TMTC1: variants seen among roughly 807,000 people sequenced by gnomAD.
TMTC1 encodes transmembrane O-mannosyltransferase targeting cadherins 1.
TMTC1 carries 73 observed loss-of-function variants against 104.8 expected under a neutral mutation model. The observed-to-expected ratio is 0.70, with a 90% CI of 0.58 to 0.85. The LOEUF (loss-of-function observed/expected upper bound fraction) is 0.85, where lower values mean the gene tolerates loss of function less well. TMTC1 is among the 40% of genes least tolerant of loss of function. TMTC1 has a pLI of 0.00. For synonymous variants in TMTC1, 434 were observed against 428.7 expected (o/e 1.01, Z -0.15); for missense variants, 1,035 against 1,096.1 (o/e 0.94, Z 0.79).
At chr12:29,707,880 T>G (rs1941792238) in intron 5 of TMTC1, among the ~76,000 whole-genome samples, 1 of 152,228 alleles carries the variant, frequency 6.6e-6, no homozygotes, top group Non-Finnish European at 1.5e-5. Context: ...CTACAAGGTC[T>G]TTGAGGCTGG....
Position 29,755,725 on chromosome 12 carries a change from TGGAAAG to T in TMTC1, c.709_714del (p.Leu237_Ser238del). On this transcript the variant is annotated inframe_deletion, in exon 4 of 18. Transcript: ENST00000539277. ...ATGACTTACGACTTGTCTTGCTTGT[TGGAAAG>T]GGAAAAGAGGTCATAAACCAAGCAC... The T allele has an allele frequency of 6.2e-7, 1 of 1,613,702 alleles. No individual in the cohort carries two copies. The highest frequency in any genetic ancestry group is 8.5e-7 in the Non-Finnish European group (1 of 1,179,824).
At chr12:29,603,744 T>C (rs1042015541) in intron 7 of TMTC1, among the ~76,000 whole-genome samples, 1 of 152,308 alleles carries the variant, frequency 6.6e-6, no homozygotes, top group South Asian at 2.1e-4. Context: ...TTTCTTGAGA[T>C]TGCTTCCATT....
At chr12:29,701,032 T>TC (rs1941575612) in intron 5 of TMTC1, among the ~76,000 whole-genome samples, 1 of 152,022 alleles carries the variant, frequency 6.6e-6, no homozygotes, top group Admixed American at 6.6e-5. Context: ...TTCTTTCTTT[T>TC]TTTTTTTTTT....
chr12:29,741,600 C>A (rs893122654), intron 5 of TMTC1, among the ~76,000 whole-genome samples: 2 of 152,186 alleles, frequency 1.3e-5, no homozygotes, highest in African/African-American at 4.8e-5. Flanking sequence ...CTACCCTGTG[C>A]TATCTCTCAT....
Position 29,692,587 on chromosome 12 carries a change from A to C in TMTC1, c.938+59079T>G, listed in dbSNP as rs529701047. Among the ~76,000 whole-genome samples, 83 of 145,552 alleles carry C rather than the reference A, an allele frequency of 5.7e-4. 6 individuals are homozygous for C. The highest frequency in any genetic ancestry group is 2.0e-3 in the African/African-American group (78 of 39,858). The stretch of plus-strand genomic sequence containing the variant: ...TGGTACAAGCAGTTTGGAAGAGTTC[A>C]GCAAAAATTAAAACATTCCTTTACT... On this transcript the variant is annotated intron_variant, in intron 5 of 17. Transcript: ENST00000539277.
Position 29,765,802 on chromosome 12 carries a change from T to A in TMTC1, c.480+2096A>T, listed in dbSNP as rs368166359. ...TACCAACTATTCCTAGCTTTCATCT[T>A]CATAGGATGTTCACATAAATAAGTG... On this transcript the variant is annotated intron_variant, in intron 2 of 17. Transcript: ENST00000539277. Among the ~76,000 whole-genome samples the A allele has an allele frequency of 1.1e-4, 16 of 152,234 alleles. No homozygotes were observed. The East Asian group carries it at 1.9e-3, about 18-fold the overall frequency.
intron 2 of TMTC1, among the ~76,000 whole-genome samples, chr12:29,763,356 A>T (rs1172935724): frequency 4.6e-5 from 7 of 152,216 alleles, no homozygotes; most frequent in Non-Finnish European, 1.5e-5. Flanking sequence ...ATTTGGGGCA[A>T]AAGCCTAGAT....
At chr12:29,611,312 G>C (rs1376516905) in intron 6 of TMTC1, among the ~76,000 whole-genome samples, 1 of 152,010 alleles carries the variant, frequency 6.6e-6, no homozygotes, top group Admixed American at 6.6e-5. Context: ...AGAATTAAGT[G>C]AGGAGGAATC....
At chr12:29,622,663 A>G (rs1289018793) in intron 6 of TMTC1, among the ~76,000 whole-genome samples, 1 of 152,232 alleles carries the variant, frequency 6.6e-6, no homozygotes, top group African/African-American at 2.4e-5. Context: ...ACAAAGGGTC[A>G]GAGCACATTA....
intron 5 of TMTC1, among the ~76,000 whole-genome samples, chr12:29,665,606 C>T (rs938933723): frequency 6.6e-6 from 1 of 152,170 alleles, no homozygotes; most frequent in Non-Finnish European, 1.5e-5. Flanking sequence ...TTTGTTAACA[C>T]AGAATTATCA....
intron 9 of TMTC1, 64 bp downstream of exon 9, chr12:29,572,041 C>G: frequency 7.7e-7 from 1 of 1,297,934 alleles, no homozygotes; most frequent in African/African-American, 1.5e-5. Flanking sequence ...ACTGGGAGGG[C>G]CAAGTGAAAT....
intron 6 of TMTC1, among the ~76,000 whole-genome samples, chr12:29,625,929 G>A (rs7956560): frequency 0.69 from 105,422 of 152,088 alleles, 38,154 homozygotes; most frequent in East Asian, 0.95. Context: ...CATGAGCTAA[G>A]GTCAGATAAT....
Position 29,506,639 on chromosome 12 carries a change from G to T in TMTC1, c.*207C>A, listed in dbSNP as rs372405853. 1.7e-5 allele frequency: 10 copies of T among 580,608 alleles called. No individual in the cohort carries two copies. The highest frequency in any genetic ancestry group is 1.1e-4 in the South Asian group (5 of 45,198). 36.0% of individuals were successfully genotyped at this position (580,608 alleles called of 1,614,324 possible). ...TTCTCCTTCCCTCTCAGACCTTCTTGCCCTTGTTTGCTGTTTTCGTCTTCT... is the reference window on the plus strand; with the variant it reads ...TTCTCCTTCCCTCTCAGACCTTCTTTCCCTTGTTTGCTGTTTTCGTCTTCT... On this transcript the variant is annotated 3_prime_UTR_variant, in exon 18 of 18. Transcript: ENST00000539277.
intron 9 of TMTC1, among the ~76,000 whole-genome samples, chr12:29,563,956 A>T (rs1453696730): frequency 6.6e-6 from 1 of 152,098 alleles, no homozygotes; most frequent in Non-Finnish European, 1.5e-5. Context: ...GGCGCCTGAG[A>T]CATTCACCAA....
intron 6 of TMTC1, among the ~76,000 whole-genome samples, chr12:29,621,157 C>T (rs561153902): frequency 3.3e-5 from 5 of 152,158 alleles, no homozygotes; most frequent in South Asian, 4.1e-4. Context: ...AAGAAAAATC[C>T]GTGTTGGCAT....
intron 5 of TMTC1, among the ~76,000 whole-genome samples, chr12:29,726,254 C>T (rs1942387745): frequency 6.6e-6 from 1 of 152,122 alleles, no homozygotes; most frequent in Admixed American, 6.5e-5. Context: ...GATTTCTGCC[C>T]TCGTTTCTGC....
intron 5 of TMTC1, chr12:29,666,228 C>CTTTTTTTTTTTTTTTTTTTTTTTTTTTTT: frequency 5.5e-6 from 2 of 365,802 alleles, no homozygotes; most frequent in South Asian, 2.0e-5. Context: ...TTTCTTTTTT[C>CTTTTTTTTTTTTTTTTTTTTTTTTTTTTT]TTTTTTTTTT....
intron 11 of TMTC1, among the ~76,000 whole-genome samples, chr12:29,531,156 T>C (rs1268917607): frequency 6.6e-6 from 1 of 152,158 alleles, no homozygotes; most frequent in East Asian, 1.9e-4. Context: ...GCTTCAACAC[T>C]CTGGCGCTTG....
chr12:29,712,417 T>A (rs1056963987), intron 5 of TMTC1, among the ~76,000 whole-genome samples: 1 of 152,228 alleles, frequency 6.6e-6, no homozygotes, highest in Non-Finnish European at 1.5e-5. Flanking sequence ...AAGGTCCCTT[T>A]ACGCTAAAAT....
Sources: gnomAD v4.1 joint callset for allele counts (sites outside exome capture counted in the v4.1 genomes callset) on GRCh38, gnomAD v4.1.1 for gene constraint, MANE v1.5 for transcripts, NCBI Gene and HGNC (gene_info 2026-07-23, HGNC 2026-07-21) for gene names.